Variants in OSBPL8 observed in about 807,000 individuals in gnomAD.
The protein encoded by OSBPL8 is oxysterol binding protein like 8.
OSBPL8 carries 59 observed loss-of-function variants against 125.5 expected under a neutral mutation model. The ratio of observed to expected loss-of-function variants is 0.47; its 90% CI spans 0.38 to 0.58. The LOEUF (loss-of-function observed/expected upper bound fraction) is 0.58, where lower values mean the gene tolerates loss of function less well. Ranked by LOEUF, OSBPL8 falls within the 20% of genes least tolerant of loss-of-function variation. The pLI, the probability that OSBPL8 is intolerant of heterozygous loss-of-function variation, is 0.00. For synonymous variants in OSBPL8, 330 were observed against 338.9 expected (o/e 0.97, Z 0.29); for missense variants, 758 against 1,047.8 (o/e 0.72, Z 3.82).
At chr12:76,433,974 CAAAAAA>C (rs34241447) in intron 4 of OSBPL8, among the ~76,000 whole-genome samples, 3 of 82,138 alleles carry the variant, frequency 3.7e-5, no homozygotes, top group Non-Finnish European at 6.7e-5. Context: ...GACTCCATCT[CAAAAAA>C]AAAAAAAAAA....
chr12:76,544,118 A>C (rs1428682821), intron 1 of OSBPL8, among the ~76,000 whole-genome samples: 3 of 152,240 alleles, frequency 2.0e-5, no homozygotes, highest in African/African-American at 4.8e-5. Context: ...CATTCAGAGT[A>C]GTCACTTTCA....
At chr12:76,386,699 T>C in intron 12 of OSBPL8, 39 bp from the exon 13 acceptor site, 1 of 1,405,624 alleles carries the variant, frequency 7.1e-7, no homozygotes, top group Non-Finnish European at 9.9e-7. Flanking sequence ...TTAAAAAATG[T>C]ATCACAAATT....
chr12:76,418,216 G>A (rs183437474), intron 4 of OSBPL8, among the ~76,000 whole-genome samples: 1 of 151,964 alleles, frequency 6.6e-6, no homozygotes, highest in East Asian at 1.9e-4. Flanking sequence ...TGTTGGTCAG[G>A]CTGGTCTTGA....
At chr12:76,459,294 T>C (rs1387503699) in intron 3 of OSBPL8, among the ~76,000 whole-genome samples, 1 of 152,190 alleles carries the variant, frequency 6.6e-6, no homozygotes, top group Non-Finnish European at 1.5e-5. Flanking sequence ...TTATTCATTA[T>C]GTACCTCCAA....
chr12:76,411,429 A>T (rs903098390), intron 4 of OSBPL8, among the ~76,000 whole-genome samples: 2 of 152,130 alleles, frequency 1.3e-5, no homozygotes, highest in Non-Finnish European at 2.9e-5. Flanking sequence ...TTCAGAGTCC[A>T]ATAAAAGCCT....
rs964592895 is a variant in OSBPL8 at position 76,352,819 on chromosome 12, T to G, written c.*3070A>C. On this transcript the variant is annotated 3_prime_UTR_variant, in exon 24 of 24. Transcript: ENST00000261183. Reference sequence around the variant, plus strand: ...AGTTAAAACTGCCTTCCACAAAATTTTGTGTGTATATGGCACAAGGTGACA... The same window carrying G: ...AGTTAAAACTGCCTTCCACAAAATTGTGTGTGTATATGGCACAAGGTGACA... 1 of 152,510 alleles carries G rather than the reference T, an allele frequency of 6.6e-6. No individual in the cohort carries two copies. The highest frequency in any genetic ancestry group is 1.5e-5 in the Non-Finnish European group (1 of 67,936). The allele number at this position is 152,510 out of a possible 1,614,324, so 9.4% of individuals were successfully genotyped here. A position where few individuals can be genotyped will look rare whatever the true frequency, so the allele number is the denominator to read the frequency against.
chr12:76,356,166 G>T (rs1014295724), intron 23 of OSBPL8, 145 bp from the exon 24 acceptor site: 2 of 496,866 alleles, frequency 4.0e-6, no homozygotes, highest in East Asian at 3.7e-5. Context: ...TAGGGGTGGG[G>T]GGGGGCGGGG....
chr12:76,451,449 G>C (rs1873404319), intron 3 of OSBPL8, among the ~76,000 whole-genome samples: 1 of 152,126 alleles, frequency 6.6e-6, no homozygotes, highest in South Asian at 2.1e-4. Flanking sequence ...ACATTCGCTA[G>C]AATTTCTACT....
At chr12:76,502,936 TTATCA>T (rs1484930172) in intron 1 of OSBPL8, among the ~76,000 whole-genome samples, 1 of 152,244 alleles carries the variant, frequency 6.6e-6, no homozygotes, top group African/African-American at 2.4e-5. Context: ...TCTTATTGCT[TTATCA>T]TATAAGATAT....
At position 76,355,242 on chromosome 12, in the gene OSBPL8, T is replaced by G. The variant is rs1443930662; in HGVS notation, c.*647A>C. 1 of 152,522 alleles carries G rather than the reference T, an allele frequency of 6.6e-6. No homozygotes were observed. The highest frequency in any genetic ancestry group is 1.9e-4 in the East Asian group (1 of 5,196). The allele number at this position is 152,522 out of a possible 1,614,324, so 9.4% of individuals were successfully genotyped here. A position where few individuals can be genotyped will look rare whatever the true frequency, so the allele number is the denominator to read the frequency against. On this transcript the variant is annotated 3_prime_UTR_variant, in exon 24 of 24. Transcript: ENST00000261183. ...TATATTTACCTGCATCTACAAATATTAAATTCTAGGGGTTAAAAAAAACTT... is the reference window on the plus strand; with the variant it reads ...TATATTTACCTGCATCTACAAATATGAAATTCTAGGGGTTAAAAAAAACTT...
chr12:76,524,841 G>A (rs1021874591), intron 1 of OSBPL8, among the ~76,000 whole-genome samples: 2 of 151,940 alleles, frequency 1.3e-5, no homozygotes, highest in Admixed American at 6.6e-5. Context: ...ACAGTACCAC[G>A]CCCAGCTAAT....
At chr12:76,512,258 G>C (rs1489601105) in intron 1 of OSBPL8, among the ~76,000 whole-genome samples, 1 of 152,168 alleles carries the variant, frequency 6.6e-6, no homozygotes, top group African/African-American at 2.4e-5. Flanking sequence ...GTTTGCTAAA[G>C]AAGAGAGCCT....
intron 1 of OSBPL8, among the ~76,000 whole-genome samples, chr12:76,502,933 G>C (rs1880051492): frequency 1.3e-5 from 2 of 151,988 alleles, no homozygotes; most frequent in Admixed American, 6.6e-5. Context: ...CTCTCTTATT[G>C]CTTTATCATA....
intron 12 of OSBPL8, among the ~76,000 whole-genome samples, chr12:76,387,291 A>G (rs1953354597): frequency 6.6e-6 from 1 of 152,208 alleles, no homozygotes; most frequent in South Asian, 2.1e-4. Flanking sequence ...TCCTTAGTAC[A>G]AAACACAGAA....
At chr12:76,548,326 A>G (rs961632359) in intron 1 of OSBPL8, among the ~76,000 whole-genome samples, 1 of 152,178 alleles carries the variant, frequency 6.6e-6, no homozygotes, top group Admixed American at 6.6e-5. Context: ...AGTGACATGG[A>G]AAGGATGGGA....
intron 1 of OSBPL8, among the ~76,000 whole-genome samples, chr12:76,542,242 C>G (rs1015692847): frequency 6.6e-6 from 1 of 152,202 alleles, no homozygotes; most frequent in African/African-American, 2.4e-5. Context: ...TTTAAAGACT[C>G]TCCAGTACTT....
At chr12:76,356,162 T>TGGGGGGTTGTTTTGGGGGGG (rs1951977262) in intron 23 of OSBPL8, 141 bp from the exon 24 acceptor site, 1 of 131,834 alleles carries the variant, frequency 7.6e-6, no homozygotes, top group Non-Finnish European at 1.6e-5. Context: ...TATGTAGGGG[T>TGGGGGGTTGTTTTGGGGGGG]GGGGGGGGGC....
intron 21 of OSBPL8, among the ~76,000 whole-genome samples, chr12:76,368,272 G>A (rs767726378): frequency 2.0e-5 from 3 of 151,984 alleles, no homozygotes; most frequent in Admixed American, 6.6e-5. Flanking sequence ...ATAAGATATC[G>A]GTTGTTAATC....
At position 76,397,746 on chromosome 12, in the gene OSBPL8, CCA is replaced by C; in HGVS notation, c.618_619del (p.Asp206GlufsTer23). On this transcript the variant is annotated frameshift_variant, in exon 8 of 24. Coordinates refer to ENST00000261183, the MANE Select transcript of OSBPL8 (RefSeq NM_020841.5). LOFTEE classifies it high-confidence loss of function. ...AGGATGGAAAAGTTTGAAACAAAAGCCATCCTTTTTTGATGGACGTTCAATGA... is the reference window on the plus strand; with the variant it reads ...AGGATGGAAAAGTTTGAAACAAAAGCTCCTTTTTTGATGGACGTTCAATGA... 6.2e-7 allele frequency: 1 copy of C among 1,614,058 alleles called. No homozygotes were observed. Among genetic ancestry groups the C allele is most frequent in the Non-Finnish European group, 8.5e-7 (1 of 1,179,972 alleles).
Sources: gnomAD v4.1 joint callset for allele counts (sites outside exome capture counted in the v4.1 genomes callset) on GRCh38, gnomAD v4.1.1 for gene constraint, MANE v1.5 for transcripts, NCBI Gene and HGNC (gene_info 2026-07-23, HGNC 2026-07-21) for gene names.